Variants in GRID2 observed in about 807,000 individuals in gnomAD.
GRID2 encodes glutamate receptor ionotropic, delta-2.
A neutral mutation model predicts 114.8 loss-of-function variants in GRID2; 33 were observed. The observed-to-expected ratio is 0.29, with a 90% CI of 0.22 to 0.38. GRID2 has a LOEUF of 0.38. GRID2 is among the 10% of genes least tolerant of loss of function. The probability of loss-of-function intolerance (pLI) is 1.00; values close to 1 mark genes in which losing one functional copy is unlikely to be tolerated. For synonymous variants in GRID2, 505 were observed against 449.9 expected, an observed-to-expected ratio of 1.12 and a Z score of -1.55; for missense variants, 1,184 against 1,257.7, an observed-to-expected ratio of 0.94 and a Z score of 0.89.
At chr4:92,479,444 T>G (rs1282940762) in intron 1 of GRID2, among the ~76,000 whole-genome samples, 1 of 152,144 alleles carries the variant, frequency 6.6e-6, no homozygotes, top group Non-Finnish European at 1.5e-5. Flanking sequence ...AATGTGTTTA[T>G]TTGGATTTTT....
At chr4:92,343,755 G>T (rs1727630010) in intron 1 of GRID2, among the ~76,000 whole-genome samples, 1 of 152,088 alleles carries the variant, frequency 6.6e-6, no homozygotes, top group Non-Finnish European at 1.5e-5. Flanking sequence ...TGTATTTTTA[G>T]TAGAGACAGG....
At chr4:93,539,917 A>C (rs1732483401) in intron 13 of GRID2, among the ~76,000 whole-genome samples, 1 of 151,934 alleles carries the variant, frequency 6.6e-6, no homozygotes, top group Admixed American at 6.6e-5. Flanking sequence ...GGCACCTGAG[A>C]GGCCCATTTA....
intron 1 of GRID2, among the ~76,000 whole-genome samples, chr4:93,801,601 A>C (rs953960855): frequency 2.0e-5 from 3 of 152,154 alleles, no homozygotes; most frequent in Non-Finnish European, 2.9e-5. Flanking sequence ...TAATAATGTA[A>C]ATAGCGCCTT....
At chr4:93,193,623 T>C (rs2149450233) in intron 4 of GRID2, among the ~76,000 whole-genome samples, 1 of 152,322 alleles carries the variant, frequency 6.6e-6, no homozygotes, top group South Asian at 2.1e-4. Flanking sequence ...GTCTCAAGTA[T>C]GTCCTTAGAG....
intron 2 of GRID2, among the ~76,000 whole-genome samples, chr4:92,829,325 CAT>C (rs1447460801): frequency 6.6e-6 from 1 of 151,974 alleles, no homozygotes; most frequent in Non-Finnish European, 1.5e-5. Flanking sequence ...GGCCAACACA[CAT>C]ATGCAAAAAA....
chr4:92,380,001 A>G (rs1036571889), intron 1 of GRID2, among the ~76,000 whole-genome samples: 1 of 151,976 alleles, frequency 6.6e-6, no homozygotes, highest in Non-Finnish European at 1.5e-5. Context: ...AAAATTGTCC[A>G]ACAGGTTAAA....
chr4:93,605,412 C>A (rs1214184067), intron 13 of GRID2, among the ~76,000 whole-genome samples: 3 of 152,116 alleles, frequency 2.0e-5, no homozygotes, highest in Admixed American at 1.3e-4. Flanking sequence ...GGTATCTATG[C>A]TACTTAAACC....
chr4:92,436,258 A>G (rs1732730812), intron 1 of GRID2, among the ~76,000 whole-genome samples: 1 of 152,166 alleles, frequency 6.6e-6, no homozygotes, highest in Non-Finnish European at 1.5e-5. Flanking sequence ...GGCAACAAAC[A>G]TTTAACTAGG....
intron 2 of GRID2, among the ~76,000 whole-genome samples, chr4:92,661,456 G>T (rs1397620154): frequency 6.6e-6 from 1 of 150,902 alleles, no homozygotes; most frequent in Non-Finnish European, 1.5e-5. Context: ...AGTGTGGAAT[G>T]ATTCCTATTA....
At chr4:92,627,453 A>G (rs1165980296) in intron 2 of GRID2, among the ~76,000 whole-genome samples, 1 of 151,578 alleles carries the variant, frequency 6.6e-6, no homozygotes, top group African/African-American at 2.4e-5. Context: ...TTTTTCTAAT[A>G]TAAAAGAAGT....
chr4:93,317,714 G>A (rs549304330), intron 8 of GRID2, among the ~76,000 whole-genome samples: 3 of 151,754 alleles, frequency 2.0e-5, no homozygotes, highest in South Asian at 4.1e-4. Context: ...TTTTCTTTGC[G>A]AGTGAGCAGA....
At chr4:93,781,156 G>C (rs1734470364) in intron 1 of GRID2, among the ~76,000 whole-genome samples, 1 of 152,156 alleles carries the variant, frequency 6.6e-6, no homozygotes, top group Non-Finnish European at 1.5e-5. Flanking sequence ...TAGAGGGCTT[G>C]GGGGAAGAAA....
rs553896392 is a variant in GRID2 at position 93,224,514 on chromosome 4, G to A, written c.964-100G>A. On this transcript the variant is annotated intron_variant, in intron 6 of 15. Coordinates refer to ENST00000282020, the MANE Select transcript of GRID2 (RefSeq NM_001510.4). Reference sequence around the variant, plus strand: ...CTTAATAACCCAGTAAACCAGCCATGTATGACATGAACAGAAGCAGTTGAG... The same window carrying A: ...CTTAATAACCCAGTAAACCAGCCATATATGACATGAACAGAAGCAGTTGAG... 4 of 714,814 alleles carry A rather than the reference G, an allele frequency of 5.6e-6. No individual in the cohort carries two copies. In the East Asian group the frequency reaches 1.1e-4, roughly 19 times the overall value. The allele number at this position is 714,814 out of a possible 1,614,324, so 44.3% of individuals were successfully genotyped here. A position where few individuals can be genotyped will look rare whatever the true frequency, so the allele number is the denominator to read the frequency against.
intron 2 of GRID2, among the ~76,000 whole-genome samples, chr4:92,720,299 C>T (rs1735749813): frequency 6.6e-6 from 1 of 151,784 alleles, no homozygotes; most frequent in African/African-American, 2.4e-5. Context: ...GCAATTTATC[C>T]TTAGTCTAAA....
intron 2 of GRID2, among the ~76,000 whole-genome samples, chr4:92,733,466 G>A (rs1392806608): frequency 1.3e-5 from 2 of 152,060 alleles, no homozygotes; most frequent in African/African-American, 4.8e-5. Context: ...GTTGATGACA[G>A]GGTTGGGGAG....
chr4:93,679,935 A>AACT (rs1239620435), intron 14 of GRID2, among the ~76,000 whole-genome samples: 7 of 151,270 alleles, frequency 4.6e-5, no homozygotes, highest in African/African-American at 1.7e-4. Context: ...ATCAGAGCAG[A>AACT]ACTGAAGGAA....
intron 1 of GRID2, among the ~76,000 whole-genome samples, chr4:92,562,156 T>C (rs967985183): frequency 1.3e-5 from 2 of 152,178 alleles, no homozygotes; most frequent in Non-Finnish European, 2.9e-5. Flanking sequence ...CCTGGAGGGC[T>C]TAATTTGTGA....
At chr4:92,787,899 G>T (rs1158516928) in intron 2 of GRID2, among the ~76,000 whole-genome samples, 1 of 151,750 alleles carries the variant, frequency 6.6e-6, no homozygotes, top group African/African-American at 2.4e-5. Context: ...CTGACCGCTT[G>T]ATATGCAGTG....
chr4:92,745,719 TGTG>T (rs934441551), intron 2 of GRID2, among the ~76,000 whole-genome samples: 1 of 152,110 alleles, frequency 6.6e-6, no homozygotes, highest in Non-Finnish European at 1.5e-5. Context: ...TAATTTGGTG[TGTG>T]GTGGTGGTGA....
Sources: allele counts gnomAD v4.1 joint callset (sites outside exome capture counted in the v4.1 genomes callset), GRCh38; gene constraint gnomAD v4.1.1; transcripts MANE v1.5; gene names NCBI Gene and HGNC (gene_info 2026-07-23, HGNC 2026-07-21).